Variants in VPS50 observed in about 807,000 individuals in gnomAD.
VPS50 encodes the protein VPS50 subunit of EARP/GARPII complex.
In VPS50, 70 loss-of-function variants were observed where a neutral mutation model predicts 139.7. The ratio of observed to expected loss-of-function variants is 0.50; its 90% CI spans 0.41 to 0.61. The LOEUF (loss-of-function observed/expected upper bound fraction) is 0.61, where lower values mean the gene tolerates loss of function less well. VPS50 is among the 20% of genes least tolerant of loss of function. VPS50 has a pLI of 0.00. For missense variants in VPS50, 921 were observed against 1,133.7 expected (o/e 0.81, Z 2.69); for synonymous variants, 365 against 376.7 (o/e 0.97, Z 0.36).
At chr7:93,345,827 G>T (rs913414273) in intron 23 of VPS50, among the ~76,000 whole-genome samples, 64 of 152,054 alleles carry the variant, frequency 4.2e-4, no homozygotes, top group Non-Finnish European at 6.6e-4. Context: ...GGGATGTATC[G>T]CAAAATAATA....
chr7:93,309,466 A>G (rs1000295578), intron 19 of VPS50, among the ~76,000 whole-genome samples: 35 of 151,966 alleles, frequency 2.3e-4, no homozygotes, highest in African/African-American at 8.0e-4. Flanking sequence ...GTTTTTGCAG[A>G]GGAAAAAGCC....
At chr7:93,285,447 A>C (rs757417089) in intron 12 of VPS50, among the ~76,000 whole-genome samples, 1 of 152,216 alleles carries the variant, frequency 6.6e-6, no homozygotes, top group Non-Finnish European at 1.5e-5. Context: ...ATAGAATAAA[A>C]AGCAAAAGAC....
At chr7:93,235,776 A>G (rs957299736) in intron 1 of VPS50, among the ~76,000 whole-genome samples, 2 of 152,216 alleles carry the variant, frequency 1.3e-5, no homozygotes, top group African/African-American at 4.8e-5. Flanking sequence ...TAAATATTCA[A>G]CTGGAGAGAT....
chr7:93,326,754 G>A (rs962107730), intron 21 of VPS50, among the ~76,000 whole-genome samples: 13 of 151,994 alleles, frequency 8.6e-5, no homozygotes, highest in African/African-American at 3.1e-4. Flanking sequence ...ATTCCATTGA[G>A]TCCTATGAAT....
chr7:93,278,517 A>G (rs1584419257), intron 12 of VPS50, among the ~76,000 whole-genome samples: 1 of 151,430 alleles, frequency 6.6e-6, no homozygotes, highest in South Asian at 2.1e-4. Context: ...GAATTGCTTG[A>G]ACCAGGGAGG....
At chr7:93,268,630 A>G (rs146467231) in intron 9 of VPS50, among the ~76,000 whole-genome samples, 232 of 152,252 alleles carry the variant, frequency 1.5e-3, no homozygotes, top group African/African-American at 5.3e-3. Flanking sequence ...TTCCAGCTTC[A>G]TCCATGTCCC....
chr7:93,257,994 T>C (rs1166868643), intron 6 of VPS50, 165 bp from the exon 7 acceptor site: 1 of 517,534 alleles, frequency 1.9e-6, no homozygotes, highest in African/African-American at 2.0e-5. Context: ...TTCTGAGTAA[T>C]GCTGGTTTAG....
chr7:93,320,834 C>T, intron 20 of VPS50: 1 of 152,478 alleles, frequency 6.6e-6, no homozygotes, highest in Admixed American at 6.5e-5. Flanking sequence ...CGTTTTTCAG[C>T]CCCGTTTCTG....
chr7:93,293,365 A>G (rs1472560402), intron 13 of VPS50, among the ~76,000 whole-genome samples: 1 of 152,180 alleles, frequency 6.6e-6, no homozygotes, highest in East Asian at 1.9e-4. Context: ...TCATCATGGT[A>G]AAGCTTGCTT....
intron 23 of VPS50, among the ~76,000 whole-genome samples, chr7:93,346,269 G>C (rs1340769801): frequency 6.6e-6 from 1 of 152,140 alleles, no homozygotes; most frequent in Non-Finnish European, 1.5e-5. Context: ...ACTTACAAGG[G>C]ATGTGAAGGA....
chr7:93,296,884 A>T, intron 15 of VPS50, 48 bp downstream of exon 15: 1 of 1,535,132 alleles, frequency 6.5e-7, no homozygotes, highest in Admixed American at 2.3e-5. Flanking sequence ...TCATTCAACC[A>T]TGATAAATCA....
At chr7:93,261,310 A>C (rs1398559027) in intron 9 of VPS50, among the ~76,000 whole-genome samples, 1 of 152,186 alleles carries the variant, frequency 6.6e-6, no homozygotes, top group Admixed American at 6.5e-5. Context: ...CATACAGTGT[A>C]ATCAGTATAA....
Position 93,239,916 on chromosome 7 carries a change from T to C in VPS50, c.84T>C (p.Ser28=), listed in dbSNP as rs780855190. Residue 28 remains serine (S), a synonymous_variant, in exon 2 of 28, where the codon AGT becomes AGC. Coordinates refer to ENST00000305866, the MANE Select transcript of VPS50 (RefSeq NM_017667.4). The part of the protein sequence containing the change: ...ESLSDLGAIE[S]LRVPGKEEFR... ...TCAGTGATCTTGGTGCCATAGAGAG[T>C]CTCCGGGTCCCTGGAAAGGTATTGA... 6.9e-6 allele frequency: 11 copies of C among 1,603,274 alleles called. No homozygotes were observed. Among genetic ancestry groups the C allele is most frequent in the Non-Finnish European group, 9.4e-6 (11 of 1,170,706 alleles).
rs768221595 is a variant in VPS50, at chr7:93,350,043, C to A, written c.2463+10C>A. 6.2e-7 allele frequency: 1 copy of A among 1,603,066 alleles called. No individual in the cohort carries two copies. The highest frequency in any genetic ancestry group is 2.2e-5 in the East Asian group (1 of 44,726). ...AGATGCACTATTAAAGGCAAGTGTT[C>A]TGGGAAGCACCTGTGCTAAAGATCA... On this transcript the variant is annotated intron_variant, in intron 25 of 27. Coordinates refer to ENST00000305866, the MANE Select transcript of VPS50 (RefSeq NM_017667.4).
At chr7:93,305,749 A>G (rs1797095155) in intron 17 of VPS50, 79 bp from the exon 18 acceptor site, 8 of 957,590 alleles carry the variant, frequency 8.4e-6, no homozygotes, top group African/African-American at 1.6e-5. Flanking sequence ...CTAACTCTAC[A>G]TGTATATTGA....
chr7:93,339,886 T>A (rs1301902288), intron 22 of VPS50, among the ~76,000 whole-genome samples: 1 of 152,222 alleles, frequency 6.6e-6, no homozygotes, highest in African/African-American at 2.4e-5. Context: ...TAGCTTTTAT[T>A]CTATTTTTTT....
intron 9 of VPS50, among the ~76,000 whole-genome samples, 185 bp downstream of exon 9, chr7:93,259,817 T>TA (rs1270228726): frequency 1.3e-5 from 2 of 152,218 alleles, no homozygotes; most frequent in Non-Finnish European, 2.9e-5. Flanking sequence ...AAAGATCAGA[T>TA]ACTTTTCATT....
At chr7:93,305,376 T>C (rs1255127084) in intron 17 of VPS50, among the ~76,000 whole-genome samples, 1 of 151,982 alleles carries the variant, frequency 6.6e-6, no homozygotes, top group Non-Finnish European at 1.5e-5. Context: ...AACACAGATA[T>C]GTACTTCATA....
intron 12 of VPS50, among the ~76,000 whole-genome samples, chr7:93,285,391 G>A (rs117581076): frequency 1.4e-3 from 212 of 152,220 alleles, no homozygotes; most frequent in Non-Finnish European, 2.1e-3. Flanking sequence ...TGAAATTTTT[G>A]TAGGGATTTA....
Sources: gnomAD v4.1 joint callset for allele counts (sites outside exome capture counted in the v4.1 genomes callset) on GRCh38, gnomAD v4.1.1 for gene constraint, MANE v1.5 for transcripts, NCBI Gene and HGNC (gene_info 2026-07-23, HGNC 2026-07-21) for gene names.